Variants in ZNF578 observed in about 807,000 individuals in gnomAD.
The protein encoded by ZNF578 is Putative chemokine-related protein B42.
A neutral mutation model predicts 8.3 loss-of-function variants in ZNF578; 8 were observed. The observed-to-expected ratio is 0.96, with a 90% CI of 0.56 to 1.74. The LOEUF is 1.74. Among genes scored for constraint, ZNF578 ranks in the 40% most tolerant of loss-of-function variants. ZNF578 has a pLI of 0.00. For missense variants in ZNF578, 726 were observed against 707.5 expected, an observed-to-expected ratio of 1.03 and a Z score of -0.30; for synonymous variants, 206 against 232.2, an observed-to-expected ratio of 0.89 and a Z score of 1.03.
At chr19:52,488,041 G>T (rs372083761) in intron 2 of ZNF578, among the ~76,000 whole-genome samples, 6 of 149,662 alleles carry the variant, frequency 4.0e-5, no homozygotes, top group African/African-American at 1.5e-4. Flanking sequence ...CACAAACTCC[G>T]CTTGTCGGCT....
At chr19:52,488,673 A>G (rs912269849) in intron 2 of ZNF578, among the ~76,000 whole-genome samples, 1 of 151,882 alleles carries the variant, frequency 6.6e-6, no homozygotes. Flanking sequence ...AATCCCAGCT[A>G]CTCGGGAGGC....
chr19:52,494,772 G>A (rs1393552075), intron 3 of ZNF578, among the ~76,000 whole-genome samples: 2 of 152,102 alleles, frequency 1.3e-5, no homozygotes, highest in Non-Finnish European at 2.9e-5. Flanking sequence ...GGGTGGGGTA[G>A]GAAGTGGGGC....
At chr19:52,462,983 G>A (rs1243981348) in intron 2 of ZNF578, among the ~76,000 whole-genome samples, 1 of 152,132 alleles carries the variant, frequency 6.6e-6, no homozygotes, top group Admixed American at 6.5e-5. Context: ...CTCAGCTGCT[G>A]TAGTAACCTG....
chr19:52,516,363 C>G lies in ZNF578; in HGVS notation c.*4209C>G, dbSNP rs1267352193. Among the ~76,000 whole-genome samples, 1 of 152,202 alleles carries G rather than the reference C, an allele frequency of 6.6e-6. No homozygotes were observed. Among genetic ancestry groups the G allele is most frequent in the East Asian group, 1.9e-4 (1 of 5,182 alleles). ...GAGCTCATTCCAGCCCAGTTCCCAA[C>G]TGCTGCAGCATGTGTGTGTGGGCTT... On this transcript the variant is annotated 3_prime_UTR_variant, in exon 6 of 6. Transcript: ENST00000421239.
chr19:52,488,918 A>C (rs1036427454), intron 2 of ZNF578, among the ~76,000 whole-genome samples: 9 of 151,992 alleles, frequency 5.9e-5, no homozygotes, highest in African/African-American at 2.2e-4. Flanking sequence ...TACATGGTGA[A>C]ACCCCGTCTC....
intron 2 of ZNF578, among the ~76,000 whole-genome samples, chr19:52,481,835 A>C (rs1218104541): frequency 6.6e-6 from 1 of 151,944 alleles, no homozygotes; most frequent in Non-Finnish European, 1.5e-5. Flanking sequence ...GGCTCAAGCA[A>C]TCCTCCTACT....
intron 2 of ZNF578, among the ~76,000 whole-genome samples, chr19:52,486,196 A>G (rs1284977716): frequency 6.6e-6 from 1 of 152,236 alleles, no homozygotes. Context: ...TCAAAGGCAC[A>G]GCACTTTTTT....
chr19:52,506,045 G>T (rs189084255), intron 5 of ZNF578, among the ~76,000 whole-genome samples: 1 of 152,068 alleles, frequency 6.6e-6, no homozygotes, highest in Non-Finnish European at 1.5e-5. Context: ...TTACAGGCAT[G>T]TGTCACCACA....
intron 4 of ZNF578, 142 bp downstream of exon 4, chr19:52,502,050 C>CA (rs2059409900): frequency 7.7e-7 from 1 of 1,302,418 alleles, no homozygotes; most frequent in Non-Finnish European, 1.1e-6. Flanking sequence ...TGCTTGCACT[C>CA]ACCCATGCCT....
rs775357074 is a variant in ZNF578 at position 52,512,706 on chromosome 19, C to G, written c.*552C>G. Among the ~76,000 whole-genome samples the G allele has an allele frequency of 8.5e-5, 13 of 152,232 alleles. No individual in the cohort carries two copies. Among genetic ancestry groups the G allele is most frequent in the Non-Finnish European group, 5.9e-5 (4 of 68,046 alleles). Reference sequence around the variant, plus strand: ...AATGTCATCAGTGTGGCAAGGTCTTCAGTCCGAGGTCACTCCTTGCAGAAC... The same window carrying G: ...AATGTCATCAGTGTGGCAAGGTCTTGAGTCCGAGGTCACTCCTTGCAGAAC... On this transcript the variant is annotated 3_prime_UTR_variant, in exon 6 of 6. Coordinates refer to ENST00000421239, the MANE Select transcript of ZNF578 (RefSeq NM_001099694.2).
chr19:52,466,224 C>T (rs1333720514), intron 2 of ZNF578, among the ~76,000 whole-genome samples: 4 of 152,198 alleles, frequency 2.6e-5, no homozygotes, highest in Non-Finnish European at 5.9e-5. Flanking sequence ...AACTTTACTA[C>T]TGATTTATTC....
At position 52,482,502 on chromosome 19, in the gene ZNF578, G is replaced by A. The variant is rs139859069; in HGVS notation, c.-121-8822G>A. Reference sequence around the variant, plus strand: ...AAAATACAAAACTTAGCCGGGCGTGGTGGCAGACGCCTGTAATCCCACCTA... The same window carrying A: ...AAAATACAAAACTTAGCCGGGCGTGATGGCAGACGCCTGTAATCCCACCTA... On this transcript the variant is annotated intron_variant, in intron 2 of 5. Transcript: ENST00000421239. Among the ~76,000 whole-genome samples the A allele has an allele frequency of 4.3e-3, 654 of 152,280 alleles. 4 individuals carry two copies. Among genetic ancestry groups the A allele is most frequent in the African/African-American group, 0.015 (633 of 41,572 alleles).
At chr19:52,482,650 A>G (rs147744284) in intron 2 of ZNF578, among the ~76,000 whole-genome samples, 2 of 151,816 alleles carry the variant, frequency 1.3e-5, no homozygotes, top group Non-Finnish European at 2.9e-5. Flanking sequence ...AAAAAATTTT[A>G]AAAAAGGAAC....
At chr19:52,502,424 TTTTTG>T (rs1197606504) in intron 4 of ZNF578, among the ~76,000 whole-genome samples, 1 of 151,670 alleles carries the variant, frequency 6.6e-6, no homozygotes, top group Non-Finnish European at 1.5e-5. Context: ...GTCTCCAAAC[TTTTTG>T]TTTTGTTTTA....
intron 3 of ZNF578, among the ~76,000 whole-genome samples, chr19:52,492,574 C>T (rs1781923435): frequency 6.6e-6 from 1 of 152,230 alleles, no homozygotes; most frequent in South Asian, 2.1e-4. Flanking sequence ...TTTGCATGCC[C>T]GTTCCAGACA....
Position 52,515,928 on chromosome 19 carries a change from C to T in ZNF578, c.*3774C>T, listed in dbSNP as rs1006844042. 6.6e-6 allele frequency among the ~76,000 whole-genome samples: 1 copy of T among 152,056 alleles called. No individual in the cohort carries two copies. Among genetic ancestry groups the T allele is most frequent in the Non-Finnish European group, 1.5e-5 (1 of 68,022 alleles). The stretch of plus-strand genomic sequence containing the variant: ...GGTCACGTCAATCCCTGGCAGGGAA[C>T]CCTCCACCGGCTTCCCGTGTTCCCC... On this transcript the variant is annotated 3_prime_UTR_variant, in exon 6 of 6. Transcript: ENST00000421239.
intron 2 of ZNF578, chr19:52,457,842 T>G (rs1019379691): frequency 2.6e-5 from 4 of 153,870 alleles, no homozygotes; most frequent in African/African-American, 9.7e-5. Context: ...GTCTGAAGCA[T>G]GCTGCCTGTG....
intron 1 of ZNF578, chr19:52,455,597 G>A (rs1245483695): frequency 6.6e-6 from 1 of 152,074 alleles, no homozygotes; most frequent in Non-Finnish European, 1.5e-5. Context: ...GTGTCCAGTT[G>A]TCTCCTCAAC....
chr19:52,492,825 G>C (rs570925528), intron 3 of ZNF578: 1 of 152,446 alleles, frequency 6.6e-6, no homozygotes, highest in South Asian at 2.1e-4. Context: ...GCGCAAACCA[G>C]GTGGCGTATC....
Sources: gnomAD v4.1 joint callset for allele counts (sites outside exome capture counted in the v4.1 genomes callset) on GRCh38, gnomAD v4.1.1 for gene constraint, MANE v1.5 for transcripts, NCBI Gene and HGNC (gene_info 2026-07-23, HGNC 2026-07-21) for gene names.